KIFAP3: variants seen among roughly 807,000 people sequenced by gnomAD.
KIFAP3 encodes the protein kinesin-associated protein 3.
In KIFAP3, 68 loss-of-function variants were observed where a neutral mutation model predicts 106.5. That is an observed-to-expected ratio of 0.64 (90% CI 0.53 to 0.78). KIFAP3 has a LOEUF of 0.78. KIFAP3 is among the 30% of genes least tolerant of loss of function. The pLI is 0.00. For missense variants in KIFAP3, 780 were observed against 941.8 expected, an observed-to-expected ratio of 0.83 and a Z score of 2.25; for synonymous variants, 320 against 311.5, an observed-to-expected ratio of 1.03 and a Z score of -0.29.
chr1:169,924,858 A>G (rs1663045739), intron 19 of KIFAP3, among the ~76,000 whole-genome samples: 2 of 152,218 alleles, frequency 1.3e-5, no homozygotes, highest in Non-Finnish European at 2.9e-5. Context: ...TAAAAAGGCA[A>G]CGTTGCAGGA....
At chr1:169,988,270 A>C (rs964518246) in intron 11 of KIFAP3, among the ~76,000 whole-genome samples, 1 of 152,090 alleles carries the variant, frequency 6.6e-6, no homozygotes, top group African/African-American at 2.4e-5. Flanking sequence ...AATGGGTCAA[A>C]ATGGTGACAA....
At chr1:169,938,933 G>A (rs1042375659) in intron 19 of KIFAP3, among the ~76,000 whole-genome samples, 1 of 152,156 alleles carries the variant, frequency 6.6e-6, no homozygotes, top group Non-Finnish European at 1.5e-5. Context: ...AGAGTGGGTA[G>A]AATTAACAAG....
intron 15 of KIFAP3, among the ~76,000 whole-genome samples, chr1:169,979,608 C>A (rs1237358935): frequency 6.6e-6 from 1 of 151,974 alleles, no homozygotes; most frequent in Non-Finnish European, 1.5e-5. Context: ...ATGATGGCTA[C>A]AATTGAAAGG....
intron 19 of KIFAP3, among the ~76,000 whole-genome samples, chr1:169,945,038 T>C (rs1664358068): frequency 6.6e-6 from 1 of 152,078 alleles, no homozygotes; most frequent in Non-Finnish European, 1.5e-5. Context: ...CAACATGCCA[T>C]CCAGGGTGCC....
At chr1:169,964,613 A>G (rs1479454514) in intron 17 of KIFAP3, among the ~76,000 whole-genome samples, 25 of 152,148 alleles carry the variant, frequency 1.6e-4, no homozygotes, top group Admixed American at 1.6e-3. Flanking sequence ...CGTATTCTCA[A>G]TCATGCTCTC....
intron 1 of KIFAP3, among the ~76,000 whole-genome samples, chr1:170,059,113 G>C (rs191817732): frequency 1.3e-4 from 20 of 152,188 alleles, no homozygotes; most frequent in Admixed American, 1.2e-3. Context: ...AAAAGAACTA[G>C]AGAAGCAAAA....
chr1:170,011,993 A>G (rs898211488), intron 10 of KIFAP3, among the ~76,000 whole-genome samples: 7 of 152,168 alleles, frequency 4.6e-5, no homozygotes, highest in African/African-American at 1.7e-4. Flanking sequence ...GTTTCTTCAG[A>G]GTCAAAAGAA....
chr1:169,983,770 T>C (rs75016216), intron 12 of KIFAP3, among the ~76,000 whole-genome samples: 1,648 of 151,932 alleles, frequency 0.011, 34 homozygotes, highest in African/African-American at 0.036. Flanking sequence ...CTCAGAAAAA[T>C]TGTACTTCTG....
intron 10 of KIFAP3, among the ~76,000 whole-genome samples, chr1:170,000,840 A>G (rs1667628516): frequency 6.6e-6 from 1 of 152,124 alleles, no homozygotes; most frequent in Non-Finnish European, 1.5e-5. Flanking sequence ...AGTTAAGGGG[A>G]AAAAATAACA....
intron 2 of KIFAP3, among the ~76,000 whole-genome samples, chr1:170,052,170 C>T (rs1670610537): frequency 6.6e-6 from 1 of 152,072 alleles, no homozygotes; most frequent in South Asian, 2.1e-4. Context: ...ACTGATCCCA[C>T]AGAAATACAA....
At chr1:169,928,699 C>A (rs866967531) in intron 19 of KIFAP3, among the ~76,000 whole-genome samples, 100 of 37,754 alleles carry the variant, frequency 2.6e-3, no homozygotes, top group Non-Finnish European at 3.0e-3. Flanking sequence ...ACCCTGTCTC[C>A]AAAAAAAAAA....
chr1:170,061,994 C>A (rs192309382), intron 1 of KIFAP3, among the ~76,000 whole-genome samples: 3 of 151,960 alleles, frequency 2.0e-5, no homozygotes, highest in African/African-American at 7.3e-5. Flanking sequence ...TGGGGAACAT[C>A]ACACACTGGG....
intron 19 of KIFAP3, among the ~76,000 whole-genome samples, chr1:169,930,336 T>G (rs1358970496): frequency 6.6e-6 from 1 of 152,226 alleles, no homozygotes; most frequent in Admixed American, 6.5e-5. Flanking sequence ...TTATCAAATT[T>G]AAACTCCATG....
chr1:170,061,847 G>A (rs988318888), intron 1 of KIFAP3, among the ~76,000 whole-genome samples: 4 of 152,158 alleles, frequency 2.6e-5, no homozygotes, highest in Non-Finnish European at 5.9e-5. Context: ...AAAAGGATGA[G>A]GTCATGTCCT....
chr1:170,051,902 G>T (rs954392860), intron 2 of KIFAP3, among the ~76,000 whole-genome samples: 2 of 151,964 alleles, frequency 1.3e-5, no homozygotes, highest in African/African-American at 4.8e-5. Context: ...GGAAAGATCT[G>T]AAACTGACAC....
intron 19 of KIFAP3, among the ~76,000 whole-genome samples, chr1:169,946,409 C>A (rs1664442255): frequency 6.6e-6 from 1 of 152,098 alleles, no homozygotes; most frequent in Non-Finnish European, 1.5e-5. Flanking sequence ...TGTTGCACAA[C>A]AAAACCTACA....
intron 1 of KIFAP3, among the ~76,000 whole-genome samples, chr1:170,082,989 A>G (rs1672044065): frequency 6.6e-6 from 1 of 152,192 alleles, no homozygotes; most frequent in African/African-American, 2.4e-5. Flanking sequence ...TAATAATAAA[A>G]TAAACACAGT....
upstream of KIFAP3, among the ~76,000 whole-genome samples, chr1:170,077,824 A>G (rs2102191287): frequency 6.6e-6 from 1 of 151,474 alleles, no homozygotes; most frequent in African/African-American, 2.4e-5. Context: ...AGCCTTTTGA[A>G]TCTGGTTTCT....
At chr1:170,021,087 C>T (rs1244940748) in intron 9 of KIFAP3, among the ~76,000 whole-genome samples, 3 of 152,146 alleles carry the variant, frequency 2.0e-5, no homozygotes, top group African/African-American at 7.2e-5. Flanking sequence ...AACTGATAAA[C>T]AACTTGTATC....
Sources: allele counts gnomAD v4.1 joint callset (sites outside exome capture counted in the v4.1 genomes callset), GRCh38; gene constraint gnomAD v4.1.1; transcripts MANE v1.5; gene names NCBI Gene and HGNC (gene_info 2026-07-23, HGNC 2026-07-21).